SPECC1: variants seen among roughly 807,000 people sequenced by gnomAD.
SPECC1 encodes sperm antigen with calponin homology and coiled-coil domains 1.
In SPECC1, 62 loss-of-function variants were observed where a neutral mutation model predicts 104.1. The ratio of observed to expected loss-of-function variants is 0.60; its 90% CI spans 0.49 to 0.74. The LOEUF (loss-of-function observed/expected upper bound fraction) is 0.74. Ranked by LOEUF, SPECC1 falls within the 30% of genes least tolerant of loss-of-function variation. SPECC1 has a pLI of 0.00. For synonymous variants in SPECC1, 513 were observed against 501.6 expected (o/e 1.02, Z -0.30); for missense variants, 1,306 against 1,310.5 (o/e 1.00, Z 0.05).
intron 4 of SPECC1, among the ~76,000 whole-genome samples, chr17:20,208,022 AT>A (rs2036896947): frequency 2.6e-5 from 4 of 152,210 alleles, no homozygotes; most frequent in Non-Finnish European, 5.9e-5. Context: ...ATTTAAAGTT[AT>A]AGCTTTGGTA....
intron 12 of SPECC1, among the ~76,000 whole-genome samples, chr17:20,294,769 T>C (rs2041291383): frequency 6.6e-6 from 1 of 152,132 alleles, no homozygotes; most frequent in African/African-American, 2.4e-5. Flanking sequence ...TGCTGGCATG[T>C]ACAAAACTAA....
rs190015248 is a variant in SPECC1, at chr17:20,071,810, A to G, written c.-21-24821A>G. Among the ~76,000 whole-genome samples, 328 of 151,814 alleles carry G rather than the reference A, an allele frequency of 2.2e-3. 1 individual carries two copies. The highest frequency in any genetic ancestry group is 3.7e-3 in the Non-Finnish European group (251 of 68,034). On this transcript the variant is annotated intron_variant, in intron 1 of 14. Transcript: ENST00000395527. ...AAGCTACAATGTGAATTTAAAAAGT[A>G]AATGACACTCAGTCTGAGAGATAAG...
chr17:20,238,053 G>A (rs2151506593), intron 7 of SPECC1: 3 of 1,023,044 alleles, frequency 2.9e-6, no homozygotes, highest in Admixed American at 5.8e-5. Flanking sequence ...CTTCTGTGGG[G>A]TCTTGATTGA....
intron 1 of SPECC1, among the ~76,000 whole-genome samples, chr17:20,074,972 G>A (rs979513247): frequency 4.0e-5 from 6 of 151,844 alleles, no homozygotes; most frequent in Admixed American, 6.6e-5. Flanking sequence ...TCTTGATCTC[G>A]GCTTACTGCA....
chr17:20,140,202 A>G (rs1971043), intron 3 of SPECC1, among the ~76,000 whole-genome samples: 37,875 of 152,152 alleles, frequency 0.25, 5,923 homozygotes, highest in African/African-American at 0.45. Flanking sequence ...CCCAAAACAT[A>G]TAACTGCACA....
chr17:20,263,582 G>A (rs965036610), intron 12 of SPECC1, among the ~76,000 whole-genome samples: 1 of 151,842 alleles, frequency 6.6e-6, no homozygotes, highest in Non-Finnish European at 1.5e-5. Context: ...AGAATAAGAA[G>A]TCAGAGGGAG....
At chr17:20,131,698 G>A (rs994805747) in intron 3 of SPECC1, among the ~76,000 whole-genome samples, 4 of 143,212 alleles carry the variant, frequency 2.8e-5, no homozygotes, top group Admixed American at 7.3e-5. Flanking sequence ...CACCCAGGCT[G>A]GAGTGCAGTG....
chr17:20,243,072 C>G (rs892205691), intron 7 of SPECC1, among the ~76,000 whole-genome samples: 2 of 152,168 alleles, frequency 1.3e-5, no homozygotes, highest in Admixed American at 6.5e-5. Flanking sequence ...TGTGAGACTT[C>G]TGGAGAGTTG....
At chr17:20,296,930 T>C in intron 12 of SPECC1, 31 bp from the exon 13 acceptor site, 2 of 1,600,172 alleles carry the variant, frequency 1.2e-6, no homozygotes, top group Admixed American at 1.7e-5. Flanking sequence ...TTGCAATAGT[T>C]CTTGTTTATT....
At chr17:20,059,026 T>A (rs982288123) in intron 1 of SPECC1, among the ~76,000 whole-genome samples, 2 of 151,112 alleles carry the variant, frequency 1.3e-5, no homozygotes, top group Non-Finnish European at 2.9e-5. Context: ...GAATTTTTAG[T>A]AGACGGGGTT....
Position 20,261,540 on chromosome 17 carries a change from G to C in SPECC1, c.2940+1246G>C, listed in dbSNP as rs192141738. Among the ~76,000 whole-genome samples, 14 of 146,076 alleles carry C rather than the reference G, an allele frequency of 9.6e-5. No homozygotes were observed. The East Asian group carries it at 2.8e-3, about 29-fold the overall frequency. The stretch of plus-strand genomic sequence containing the variant: ...AAAAAAAAGCAGACACAAGCTCCCC[G>C]AGCAGTGATGCCTCCACCCAAGAAG... On this transcript the variant is annotated intron_variant, in intron 12 of 14. Transcript: ENST00000395527.
At chr17:20,059,346 T>C (rs1312196144) in intron 1 of SPECC1, among the ~76,000 whole-genome samples, 2 of 152,060 alleles carry the variant, frequency 1.3e-5, no homozygotes, top group Non-Finnish European at 2.9e-5. Flanking sequence ...GCATGCTCAG[T>C]TCACAATAGG....
At chr17:20,184,700 G>A (rs1193541901) in intron 3 of SPECC1, among the ~76,000 whole-genome samples, 1 of 152,194 alleles carries the variant, frequency 6.6e-6, no homozygotes, top group Non-Finnish European at 1.5e-5. Context: ...ATTTGGTACC[G>A]TAGAAGTTCT....
chr17:20,234,203 C>T (rs1421482379), intron 7 of SPECC1, among the ~76,000 whole-genome samples: 1 of 152,040 alleles, frequency 6.6e-6, no homozygotes, highest in East Asian at 1.9e-4. Flanking sequence ...TTTTGATTTT[C>T]CAGTGATTTG....
At chr17:20,084,679 G>A (rs2047109371) in intron 1 of SPECC1, among the ~76,000 whole-genome samples, 1 of 152,072 alleles carries the variant, frequency 6.6e-6, no homozygotes, top group African/African-American at 2.4e-5. Flanking sequence ...TATTTTTGGT[G>A]TTGTAACTAA....
At chr17:20,158,051 T>C (rs2152573761) in intron 3 of SPECC1, among the ~76,000 whole-genome samples, 1 of 152,344 alleles carries the variant, frequency 6.6e-6, no homozygotes, top group South Asian at 2.1e-4. Flanking sequence ...TGAAATGCTG[T>C]AGAGTTCATC....
intron 3 of SPECC1, among the ~76,000 whole-genome samples, chr17:20,159,511 A>C (rs1448872309): frequency 6.6e-6 from 1 of 152,200 alleles, no homozygotes; most frequent in Admixed American, 6.5e-5. Flanking sequence ...AGATTGCACC[A>C]TCTTTTCCAG....
chr17:20,092,259 G>T (rs561035094), intron 1 of SPECC1, among the ~76,000 whole-genome samples: 1 of 128,806 alleles, frequency 7.8e-6, no homozygotes, highest in East Asian at 2.2e-4. Context: ...TTCCTTGATC[G>T]ATGTGATCCT....
chr17:20,155,898 T>A, intron 3 of SPECC1: 1 of 1,182,880 alleles, frequency 8.5e-7, no homozygotes, highest in Non-Finnish European at 1.1e-6. Context: ...AGTATGCAGA[T>A]GACGGGGGCG....
Sources: allele counts gnomAD v4.1 joint callset (sites outside exome capture counted in the v4.1 genomes callset), GRCh38; gene constraint gnomAD v4.1.1; transcripts MANE v1.5; gene names NCBI Gene and HGNC (gene_info 2026-07-23, HGNC 2026-07-21).